The following PDK1 variants were observed in gnomAD, a reference collection of about 807,000 sequenced individuals.
PDK1 encodes [Pyruvate dehydrogenase (acetyl-transferring)] kinase isozyme 1, mitochondrial.
A neutral mutation model predicts 54.2 loss-of-function variants in PDK1; 39 were observed. The ratio of observed to expected loss-of-function variants is 0.72; its 90% CI spans 0.56 to 0.94. The LOEUF (loss-of-function observed/expected upper bound fraction) is 0.94. Ranked by LOEUF, PDK1 falls within the 40% of genes least tolerant of loss-of-function variation. The pLI is 0.00. For missense variants in PDK1, 552 were observed against 566.0 expected, an observed-to-expected ratio of 0.98 and a Z score of 0.25; for synonymous variants, 221 against 207.1, an observed-to-expected ratio of 1.07 and a Z score of -0.58.
the PDK1 span, among the ~76,000 whole-genome samples, chr2:172,702,712 A>G: frequency 6.6e-6 from 1 of 151,440 alleles, no homozygotes; most frequent in Admixed American, 6.6e-5. Flanking sequence ...TGGCCCTATA[A>G]TCTTTCACTG....
chr2:172,672,645 C>A, the PDK1 span, among the ~76,000 whole-genome samples: 5 of 151,260 alleles, frequency 3.3e-5, no homozygotes, highest in Non-Finnish European at 5.9e-5. Flanking sequence ...AAACAAGATG[C>A]TTTTCTTTGT....
chr2:172,701,259 T>G, the PDK1 span, among the ~76,000 whole-genome samples: 3 of 152,184 alleles, frequency 2.0e-5, no homozygotes, highest in African/African-American at 7.2e-5. Context: ...CTATCCACAT[T>G]TGTGTGTCAA....
chr2:172,564,543 G>C lies in PDK1; in HGVS notation c.451G>C (p.Asp151His). The C allele has an allele frequency of 6.2e-7, 1 of 1,614,144 alleles. No individual in the cohort carries two copies. The highest frequency in any genetic ancestry group is 8.5e-7 in the Non-Finnish European group (1 of 1,179,992). Residue 151 changes from aspartate (D) to histidine (H), a missense_variant, in exon 4 of 11, where the codon GAT (aspartate) becomes CAT (histidine). Transcript: ENST00000282077. ...TVIRIRNRHN[D>H]VIPTMAQGVI... is the part of the protein sequence containing the mutation. The stretch of plus-strand genomic sequence containing the variant: ...GATACGGATCAGAAACCGACACAAT[G>C]ATGTCATTCCCACAATGGCCCAGGG...
chr2:172,570,145 A>G (rs544712890), intron 7 of PDK1, among the ~76,000 whole-genome samples: 4 of 152,248 alleles, frequency 2.6e-5, no homozygotes, highest in Admixed American at 1.3e-4. Flanking sequence ...ATCATTTTCT[A>G]CTGCAATGCT....
the PDK1 span, among the ~76,000 whole-genome samples, chr2:172,651,670 T>C: frequency 3.9e-5 from 6 of 152,250 alleles, no homozygotes; most frequent in Non-Finnish European, 8.8e-5. Context: ...CAAACTACCA[T>C]CAGAGAATAC....
the PDK1 span, chr2:172,674,603 G>C: frequency 2.0e-5 from 3 of 152,326 alleles, no homozygotes; most frequent in African/African-American, 7.2e-5. Context: ...TGCAGAAGTC[G>C]TCAGCACTGT....
chr2:172,696,529 C>T, the PDK1 span, among the ~76,000 whole-genome samples: 1 of 152,276 alleles, frequency 6.6e-6, no homozygotes, highest in Non-Finnish European at 1.5e-5. Flanking sequence ...TTTAGCTGCT[C>T]TCATAATCTG....
the PDK1 span, among the ~76,000 whole-genome samples, chr2:172,681,959 T>C: frequency 6.6e-6 from 1 of 152,204 alleles, no homozygotes; most frequent in African/African-American, 2.4e-5. Flanking sequence ...GATTTCACCA[T>C]GTTGGCCAGG....
Position 172,588,531 on chromosome 2 carries a change from T to C in PDK1, c.1056+2143T>C, listed in dbSNP as rs1690386832. 2.0e-5 allele frequency among the ~76,000 whole-genome samples: 3 copies of C among 152,248 alleles called. No homozygotes were observed. The South Asian group carries it at 6.2e-4, about 31-fold the overall frequency. The stretch of plus-strand genomic sequence containing the variant: ...TGTAAGTGTGTGTTATTTTAGGATG[T>C]AAAATGTATGTGAATTTTTAAGAAA... On this transcript the variant is annotated intron_variant, in intron 9 of 10. Transcript: ENST00000282077.
the PDK1 span, among the ~76,000 whole-genome samples, chr2:172,722,789 T>G: frequency 6.6e-6 from 1 of 152,120 alleles, no homozygotes; most frequent in South Asian, 2.1e-4. Context: ...AAATCTCAAG[T>G]AAGAGGCACT....
chr2:172,559,297 G>T (rs945989867), intron 2 of PDK1, among the ~76,000 whole-genome samples: 11 of 152,096 alleles, frequency 7.2e-5, no homozygotes, highest in African/African-American at 2.2e-4. Context: ...GGCAGGTGGG[G>T]GCAATGTATT....
chr2:172,686,550 G>A, the PDK1 span, among the ~76,000 whole-genome samples: 1 of 152,128 alleles, frequency 6.6e-6, no homozygotes, highest in African/African-American at 2.4e-5. Flanking sequence ...AGCAGGACAT[G>A]GGCGGGGACA....
chr2:172,630,390 A>C, the PDK1 span, among the ~76,000 whole-genome samples: 1 of 152,208 alleles, frequency 6.6e-6, no homozygotes, highest in Non-Finnish European at 1.5e-5. Context: ...AATTTAAATG[A>C]ATTAAAACTA....
chr2:172,574,049 G>A (rs1689443549), intron 8 of PDK1, among the ~76,000 whole-genome samples: 1 of 152,090 alleles, frequency 6.6e-6, no homozygotes, highest in Non-Finnish European at 1.5e-5. Context: ...GTTTCTAAGA[G>A]TTTTATAGTT....
chr2:172,649,380 A>G, the PDK1 span, among the ~76,000 whole-genome samples: 1 of 152,236 alleles, frequency 6.6e-6, no homozygotes, highest in African/African-American at 2.4e-5. Flanking sequence ...GATGGGGAGA[A>G]ACCAGAGCAG....
At chr2:172,709,945 G>A in the PDK1 span, among the ~76,000 whole-genome samples, 2 of 151,948 alleles carry the variant, frequency 1.3e-5, no homozygotes, top group South Asian at 2.1e-4. Context: ...CAACAAAGAC[G>A]AAATTGCAGT....
intron 10 of PDK1, among the ~76,000 whole-genome samples, chr2:172,595,071 A>C (rs1690815492): frequency 6.6e-6 from 1 of 152,126 alleles, no homozygotes; most frequent in Non-Finnish European, 1.5e-5. Flanking sequence ...GAGTTTTTAA[A>C]TTTTTATGTA....
chr2:172,707,335 C>T, the PDK1 span, among the ~76,000 whole-genome samples: 1 of 152,126 alleles, frequency 6.6e-6, no homozygotes, highest in South Asian at 2.1e-4. Flanking sequence ...GTCTAGGCTC[C>T]CCAGCAGACT....
chr2:172,570,276 G>A (rs1212904843), intron 7 of PDK1, among the ~76,000 whole-genome samples: 2 of 152,018 alleles, frequency 1.3e-5, no homozygotes, highest in Non-Finnish European at 2.9e-5. Context: ...AGAGATAAAG[G>A]GATTCATTGC....
Sources: allele counts gnomAD v4.1 joint callset (sites outside exome capture counted in the v4.1 genomes callset), GRCh38; gene constraint gnomAD v4.1.1; transcripts MANE v1.5; gene names NCBI Gene and HGNC (gene_info 2026-07-23, HGNC 2026-07-21).